The following SGCZ variants were observed in gnomAD, a reference collection of about 807,000 sequenced individuals.
SGCZ encodes zeta-sarcoglycan.
A neutral mutation model predicts 41.3 loss-of-function variants in SGCZ; 40 were observed. The observed-to-expected ratio is 0.97, with a 90% CI of 0.75 to 1.26. SGCZ has a LOEUF of 1.26. Among genes scored for constraint, SGCZ ranks in the 50% most tolerant of loss-of-function variants. The probability of loss-of-function intolerance (pLI) is 0.00; values close to 1 mark genes in which losing one functional copy is unlikely to be tolerated. For synonymous variants in SGCZ, 206 were observed against 137.5 expected, an observed-to-expected ratio of 1.50 and a Z score of -3.49; for missense variants, 552 against 369.8, an observed-to-expected ratio of 1.49 and a Z score of -4.04.
intron 1 of SGCZ, among the ~76,000 whole-genome samples, chr8:14,990,930 A>G (rs964082640): frequency 2.0e-5 from 3 of 152,132 alleles, no homozygotes; most frequent in African/African-American, 7.2e-5. Flanking sequence ...CCAGCATATG[A>G]TTTAGAGTTA....
intron 1 of SGCZ, among the ~76,000 whole-genome samples, chr8:14,978,897 C>G (rs970094513): frequency 6.6e-6 from 1 of 152,124 alleles, no homozygotes; most frequent in African/African-American, 2.4e-5. Context: ...CTCCCAGGCT[C>G]AAGACATTCT....
At chr8:15,185,930 G>C (rs1463687085) in intron 1 of SGCZ, among the ~76,000 whole-genome samples, 1 of 151,674 alleles carries the variant, frequency 6.6e-6, no homozygotes, top group Non-Finnish European at 1.5e-5. Flanking sequence ...CAGCATACAA[G>C]TTAATTTCTC....
At chr8:14,409,809 T>C (rs973471337) in intron 2 of SGCZ, among the ~76,000 whole-genome samples, 1 of 152,172 alleles carries the variant, frequency 6.6e-6, no homozygotes, top group Non-Finnish European at 1.5e-5. Context: ...AGTTTGAAAA[T>C]ATTGCTTTCC....
intron 4 of SGCZ, among the ~76,000 whole-genome samples, chr8:14,237,122 T>C (rs993258888): frequency 6.6e-6 from 1 of 152,174 alleles, no homozygotes; most frequent in African/African-American, 2.4e-5. Context: ...TTTCCTTAAG[T>C]TTATTTATTA....
chr8:14,905,888 C>A (rs982084707), intron 1 of SGCZ, among the ~76,000 whole-genome samples: 2 of 151,622 alleles, frequency 1.3e-5, no homozygotes, highest in African/African-American at 4.8e-5. Context: ...CACACATACA[C>A]CTATGTATAC....
At chr8:14,324,699 G>A (rs753847336) in intron 2 of SGCZ, among the ~76,000 whole-genome samples, 3 of 152,142 alleles carry the variant, frequency 2.0e-5, no homozygotes, top group South Asian at 2.1e-4. Flanking sequence ...TTCAAACCAT[G>A]AGTAGGTGTC....
At chr8:15,016,566 T>C (rs562536559) in intron 1 of SGCZ, among the ~76,000 whole-genome samples, 3 of 152,204 alleles carry the variant, frequency 2.0e-5, no homozygotes, top group Non-Finnish European at 2.9e-5. Context: ...CAGACGCTCA[T>C]TGAATGTATT....
In SGCZ at chr8:14,765,532, G is replaced by A. The variant is rs552721680; in HGVS notation, c.40-210606C>T. On this transcript the variant is annotated intron_variant, in intron 1 of 7. Transcript: ENST00000382080. ...TTCATATACAAATGCACTGTTTCCTGGCAGAGTATCCCTCAGAATGGATAG... is the reference window on the plus strand; with the variant it reads ...TTCATATACAAATGCACTGTTTCCTAGCAGAGTATCCCTCAGAATGGATAG... Among the ~76,000 whole-genome samples, 19 of 152,234 alleles carry A rather than the reference G, an allele frequency of 1.2e-4. No homozygotes were observed. The South Asian group carries it at 2.7e-3, about 22-fold the overall frequency.
At chr8:14,134,904 T>G (rs1032407879) in intron 5 of SGCZ, among the ~76,000 whole-genome samples, 1 of 152,206 alleles carries the variant, frequency 6.6e-6, no homozygotes, top group South Asian at 2.1e-4. Context: ...TAGTTCATGA[T>G]GAGAATGTTA....
chr8:15,189,062 ATCCACAAATATTTGTGTTTTT>A (rs1800444630), intron 1 of SGCZ, among the ~76,000 whole-genome samples: 1 of 152,176 alleles, frequency 6.6e-6, no homozygotes, highest in Non-Finnish European at 1.5e-5. Flanking sequence ...ACAGTAGGCA[ATCCACAAATATTTGTGTTTTT>A]TAAGAGATTC....
intron 1 of SGCZ, among the ~76,000 whole-genome samples, chr8:15,011,270 T>C (rs1422359842): frequency 3.9e-5 from 6 of 152,188 alleles, no homozygotes; most frequent in Admixed American, 3.9e-4. Flanking sequence ...CTACAGAATG[T>C]TCCAGGAGGT....
At chr8:14,859,431 A>G (rs1803647440) in intron 1 of SGCZ, among the ~76,000 whole-genome samples, 1 of 152,134 alleles carries the variant, frequency 6.6e-6, no homozygotes, top group Non-Finnish European at 1.5e-5. Flanking sequence ...CGTTATTACT[A>G]TTATAAAAAC....
intron 2 of SGCZ, among the ~76,000 whole-genome samples, chr8:14,328,693 G>T (rs1198979334): frequency 6.6e-6 from 1 of 152,080 alleles, no homozygotes; most frequent in African/African-American, 2.4e-5. Flanking sequence ...TTATAGTTAT[G>T]ATACTCTTGT....
At chr8:14,258,463 C>G (rs1290171896) in intron 3 of SGCZ, among the ~76,000 whole-genome samples, 1 of 152,094 alleles carries the variant, frequency 6.6e-6, no homozygotes, top group Non-Finnish European at 1.5e-5. Flanking sequence ...TCTGGACTAA[C>G]TGTAGAAATT....
intron 2 of SGCZ, among the ~76,000 whole-genome samples, chr8:14,512,132 A>G (rs1802484384): frequency 1.3e-5 from 2 of 152,106 alleles, no homozygotes; most frequent in Admixed American, 1.3e-4. Flanking sequence ...TGAGCTGAGT[A>G]TTTTCTACTC....
chr8:15,113,624 A>AG lies in SGCZ; in HGVS notation c.39+123960dup, dbSNP rs909164396. Among the ~76,000 whole-genome samples, 14 of 152,262 alleles carry AG rather than the reference A, an allele frequency of 9.2e-5. No individual in the cohort carries two copies. In the East Asian group the frequency reaches 1.9e-3, roughly 21 times the overall value. On this transcript the variant is annotated intron_variant, in intron 1 of 7. Transcript: ENST00000382080. The stretch of plus-strand genomic sequence containing the variant: ...GCATGAACTACCATCGTGAGGTATA[A>AG]GGGGGGCCTCCTATATTCCTGCTTT...
At chr8:14,335,594 C>G (rs937323529) in intron 2 of SGCZ, among the ~76,000 whole-genome samples, 1 of 152,132 alleles carries the variant, frequency 6.6e-6, no homozygotes, top group Non-Finnish European at 1.5e-5. Context: ...ATACCTTTAG[C>G]TAAATCAAGC....
chr8:14,644,671 T>C (rs551601214), intron 1 of SGCZ, among the ~76,000 whole-genome samples: 1 of 151,886 alleles, frequency 6.6e-6, no homozygotes, highest in East Asian at 1.9e-4. Context: ...GCCTCTATTA[T>C]GGCATGCTTC....
intron 1 of SGCZ, among the ~76,000 whole-genome samples, chr8:15,162,916 A>C (rs192658956): frequency 6.6e-6 from 1 of 152,368 alleles, no homozygotes; most frequent in Admixed American, 6.5e-5. Context: ...AGATAGGGAA[A>C]ATGAAGATGA....
Sources: allele counts gnomAD v4.1 joint callset (sites outside exome capture counted in the v4.1 genomes callset), GRCh38; gene constraint gnomAD v4.1.1; transcripts MANE v1.5; gene names NCBI Gene and HGNC (gene_info 2026-07-23, HGNC 2026-07-21).